The following COL1A2 variants were observed in gnomAD, a reference collection of about 807,000 sequenced individuals.
The protein encoded by COL1A2 is collagen type I alpha 2 chain, also known as collagen alpha-2(I) chain.
Under a neutral mutation model 174.3 loss-of-function variants are expected in COL1A2, and 49 were observed. The observed-to-expected ratio is 0.28, with a 90% CI of 0.22 to 0.36. The LOEUF is 0.36. COL1A2 is among the 10% of genes least tolerant of loss of function. COL1A2 has a pLI of 1.00. For missense variants in COL1A2, 1,438 were observed against 1,822.7 expected, an observed-to-expected ratio of 0.79 and a Z score of 3.84; for synonymous variants, 655 against 606.6, an observed-to-expected ratio of 1.08 and a Z score of -1.17.
intron 5 of COL1A2, among the ~76,000 whole-genome samples, chr7:94,400,706 G>A (rs563089901): frequency 2.0e-5 from 3 of 152,076 alleles, no homozygotes; most frequent in Admixed American, 6.6e-5. Flanking sequence ...CATTCAAAGC[G>A]GTTTTAGGTT....
At chr7:94,408,901 G>T in intron 16 of COL1A2, 78 bp downstream of exon 16, 1 of 1,323,132 alleles carries the variant, frequency 7.6e-7, no homozygotes. Context: ...TGTGTTTGCA[G>T]ATAAAGAGAT....
chr7:94,411,033 G>GTTTTT, intron 22 of COL1A2, 23 bp from the exon 23 acceptor site: 7 of 1,445,946 alleles, frequency 4.8e-6, no homozygotes, highest in South Asian at 2.4e-5. Context: ...TCCTCTATCT[G>GTTTTT]TTTTTTTTTT....
chr7:94,413,642 C>T (rs371980744), intron 26 of COL1A2, 48 bp from the exon 27 acceptor site: 21 of 1,574,294 alleles, frequency 1.3e-5, no homozygotes, highest in African/African-American at 9.4e-5. Flanking sequence ...ACATCTTAAA[C>T]TACCTGGCTT....
At position 94,427,044 on chromosome 7, in the gene COL1A2, G is replaced by A. The variant is rs1329724571; in HGVS notation, c.3142G>A (p.Gly1048Ser). The A allele has an allele frequency of 6.2e-7, 1 of 1,614,034 alleles. No homozygotes were observed. The highest frequency in any genetic ancestry group is 8.5e-7 in the Non-Finnish European group (1 of 1,179,980). ...HGDQGAPGSV[G>S]PAGPRGPAGP... ...TGATCAAGGTGCTCCTGGCTCCGTGGGTCCTGCTGGTCCTAGGGTAGGTGG... is the reference window on the plus strand; with the variant it reads ...TGATCAAGGTGCTCCTGGCTCCGTGAGTCCTGCTGGTCCTAGGGTAGGTGG... Residue 1048 changes from glycine (G) to serine (S), a missense_variant, in exon 47 of 52, where the codon GGT becomes AGT. Transcript: ENST00000297268.
rs766919910 is a variant in COL1A2 at position 94,404,731 on chromosome 7, T to G, written c.363T>G (p.Gly121=). The change falls in exon 8 of 52, where the codon GGT becomes GGG. Residue 121 remains glycine, a synonymous_variant. Transcript: ENST00000297268. ...QGFQGPAGEP[G]EPGQTGPAGA... The stretch of plus-strand genomic sequence containing the variant: ...TCCAAGGACCTGCTGGTGAGCCTGG[T>G]GAACCTGGTCAAACTGTGAGTACAT... 6.2e-7 allele frequency: 1 copy of G among 1,614,198 alleles called. No homozygotes were observed. The highest frequency in any genetic ancestry group is 8.5e-7 in the Non-Finnish European group (1 of 1,180,020).
At chr7:94,407,913 G>A in intron 13 of COL1A2, 22 bp downstream of exon 13, 1 of 1,606,838 alleles carries the variant, frequency 6.2e-7, no homozygotes, top group Non-Finnish European at 8.5e-7. Context: ...CTACTTCATT[G>A]TAAATTTAAA....
rs746631924 is a variant in COL1A2 at position 94,413,064 on chromosome 7, T to G, written c.1504-19T>G. On this transcript the variant is annotated intron_variant, in intron 25 of 51. Transcript: ENST00000297268. ...ATGTGCAAAGCTGTTCTTTGTTTTG[T>G]TTTTCATTTTTACTCTAGGGTGATC... is the stretch of plus-strand genomic sequence containing the variant. 1.1e-5 allele frequency: 18 copies of G among 1,613,398 alleles called. No individual in the cohort carries two copies. Among genetic ancestry groups the G allele is most frequent in the Admixed American group, 1.7e-5 (1 of 59,998 alleles).
At chr7:94,410,139 G>T in intron 19 of COL1A2, 103 bp from the exon 20 acceptor site, 1 of 1,164,374 alleles carries the variant, frequency 8.6e-7, no homozygotes, top group South Asian at 1.3e-5. Flanking sequence ...TAGAGAACTT[G>T]AGCTTCTCTT....
At chr7:94,406,572 C>G (rs1172048543) in intron 12 of COL1A2, among the ~76,000 whole-genome samples, 1 of 152,084 alleles carries the variant, frequency 6.6e-6, no homozygotes, top group Non-Finnish European at 1.5e-5. Flanking sequence ...TTTCCTCCCT[C>G]TATAATTCCA....
intron 51 of COL1A2, 182 bp from the exon 52 acceptor site, chr7:94,430,065 G>A (rs1792367171): frequency 6.3e-6 from 4 of 636,788 alleles, no homozygotes; most frequent in Non-Finnish European, 8.2e-6. Context: ...AGACTGATAG[G>A]GAGCCCCTCC....
chr7:94,418,283 T>C (rs1161908894), intron 32 of COL1A2, among the ~76,000 whole-genome samples: 1 of 152,212 alleles, frequency 6.6e-6, no homozygotes, highest in African/African-American at 2.4e-5. Context: ...AAAAGATTGT[T>C]TAACAATAAT....
At chr7:94,410,667 T>C in intron 21 of COL1A2, 140 bp downstream of exon 21, 1 of 904,910 alleles carries the variant, frequency 1.1e-6, no homozygotes, top group South Asian at 1.4e-5. Context: ...ATTAAATCAG[T>C]GACTCTCAAT....
Position 94,399,060 on chromosome 7 carries a change from A to T in COL1A2, c.108A>T (p.Gly36=). ...TATCTTTCCTGTAGGGCCCAGCCGGAGATAGAGGACCACGTGGAGAAAGGG... is the reference window on the plus strand; with the variant it reads ...TATCTTTCCTGTAGGGCCCAGCCGGTGATAGAGGACCACGTGGAGAAAGGG... ...QEETVRKGPA[G]DRGPRGERGP... The change falls in exon 4 of 52, where the codon GGA becomes GGT. Residue 36 remains glycine (G), a synonymous_variant. Coordinates refer to ENST00000297268, the MANE Select transcript of COL1A2 (RefSeq NM_000089.4). The T allele has an allele frequency of 6.2e-7, 1 of 1,613,718 alleles. No individual in the cohort carries two copies. The highest frequency in any genetic ancestry group is 8.5e-7 in the Non-Finnish European group (1 of 1,179,680).
chr7:94,426,308 T>C (rs1792276306), intron 45 of COL1A2, 115 bp from the exon 46 acceptor site: 1 of 1,031,530 alleles, frequency 9.7e-7, no homozygotes, highest in Non-Finnish European at 1.5e-6. Context: ...AGAGCCTAGC[T>C]AAACCATTAC....
intron 6 of COL1A2, among the ~76,000 whole-genome samples, chr7:94,402,740 A>G (rs1319359801): frequency 6.6e-6 from 1 of 152,162 alleles, no homozygotes; most frequent in Admixed American, 6.5e-5. Flanking sequence ...TTCAAAACAA[A>G]GGTATTTATC....
At chr7:94,396,314 T>TGTGTG (rs1791582132) in intron 1 of COL1A2, among the ~76,000 whole-genome samples, 1 of 149,640 alleles carries the variant, frequency 6.7e-6, no homozygotes, top group East Asian at 2.0e-4. Flanking sequence ...ATTTGTGTGC[T>TGTGTG]TGTGTGTGTG....
At chr7:94,418,844 A>C (rs1792095841) in intron 33 of COL1A2, among the ~76,000 whole-genome samples, 1 of 151,914 alleles carries the variant, frequency 6.6e-6, no homozygotes, top group African/African-American at 2.4e-5. Context: ...ATAGAATATT[A>C]AATGATTGCT....
At chr7:94,400,831 G>A (rs957168418) in intron 5 of COL1A2, among the ~76,000 whole-genome samples, 3 of 152,120 alleles carry the variant, frequency 2.0e-5, no homozygotes, top group Non-Finnish European at 1.5e-5. Context: ...CTGCAGGAAG[G>A]AAAACATATT....
chr7:94,409,838 G>A lies in COL1A2; in HGVS notation c.1035+17G>A. 1.2e-6 allele frequency: 2 copies of A among 1,611,524 alleles called. No individual in the cohort carries two copies. Among genetic ancestry groups the A allele is most frequent in the Non-Finnish European group, 1.7e-6 (2 of 1,177,770 alleles). Reference sequence around the variant, plus strand: ...GGACTTGTTGTAAGTGGTCATGACTGTGGTTCTCATCATCCTGAAATACCA... The same window carrying A: ...GGACTTGTTGTAAGTGGTCATGACTATGGTTCTCATCATCCTGAAATACCA... On this transcript the variant is annotated intron_variant, in intron 19 of 51. Coordinates refer to ENST00000297268, the MANE Select transcript of COL1A2 (RefSeq NM_000089.4).
Sources: gnomAD v4.1 joint callset for allele counts (sites outside exome capture counted in the v4.1 genomes callset) on GRCh38, gnomAD v4.1.1 for gene constraint, MANE v1.5 for transcripts, NCBI Gene and HGNC (gene_info 2026-07-23, HGNC 2026-07-21) for gene names.